SLC22A24: variants seen among roughly 807,000 people sequenced by gnomAD.
SLC22A24 encodes steroid transmembrane transporter SLC22A24.
SLC22A24 carries 53 observed loss-of-function variants against 49.8 expected under a neutral mutation model. The observed-to-expected ratio is 1.06, with a 90% CI of 0.85 to 1.34. The LOEUF (loss-of-function observed/expected upper bound fraction) is 1.34. SLC22A24 is among the 40% of genes most tolerant of loss of function. The pLI is 0.00. For synonymous variants in SLC22A24, 302 were observed against 256.4 expected, an observed-to-expected ratio of 1.18 and a Z score of -1.70; for missense variants, 786 against 675.9, an observed-to-expected ratio of 1.16 and a Z score of -1.81.
At chr11:63,082,204 G>T (rs772678404) in intron 7 of SLC22A24, among the ~76,000 whole-genome samples, 20 of 152,056 alleles carry the variant, frequency 1.3e-4, no homozygotes, top group Admixed American at 3.3e-4. Context: ...AAAAGGACTG[G>T]GTTTATTTGG....
At chr11:63,125,316 C>T (rs1340595439) in intron 2 of SLC22A24, among the ~76,000 whole-genome samples, 1 of 152,096 alleles carries the variant, frequency 6.6e-6, no homozygotes, top group Non-Finnish European at 1.5e-5. Context: ...TAGCCCTGCA[C>T]TCCACGACAG....
chr11:63,107,164 C>G (rs1403321166), intron 4 of SLC22A24, among the ~76,000 whole-genome samples: 1 of 152,120 alleles, frequency 6.6e-6, no homozygotes, highest in Non-Finnish European at 1.5e-5. Flanking sequence ...GCCAGTTTTC[C>G]CAGCAACATT....
rs189771421 is a variant in SLC22A24, at chr11:63,130,406, A to G, written c.506+4259T>C. Reference sequence around the variant, plus strand: ...TATTTTATTGAGGATTTTCACATCAATGTTCATCAGGGATGTTGGTCAAAA... The same window carrying G: ...TATTTTATTGAGGATTTTCACATCAGTGTTCATCAGGGATGTTGGTCAAAA... On this transcript the variant is annotated intron_variant, in intron 2 of 9. Coordinates refer to ENST00000612278, the MANE Select transcript of SLC22A24 (RefSeq NM_001136506.2). Among the ~76,000 whole-genome samples, 7 of 152,334 alleles carry G rather than the reference A, an allele frequency of 4.6e-5. No homozygotes were observed. The East Asian group carries it at 1.3e-3, about 29-fold the overall frequency.
chr11:63,113,968 C>A (rs533871447), intron 4 of SLC22A24, among the ~76,000 whole-genome samples: 1 of 151,980 alleles, frequency 6.6e-6, no homozygotes, highest in Non-Finnish European at 1.5e-5. Flanking sequence ...GTGGGTAACC[C>A]GACCTTTCTC....
chr11:63,131,136 C>T (rs190450865), intron 2 of SLC22A24, among the ~76,000 whole-genome samples: 1 of 151,912 alleles, frequency 6.6e-6, no homozygotes, highest in East Asian at 1.9e-4. Context: ...GGTAGATCTT[C>T]CTCCCTCCCT....
chr11:63,102,468 G>A (rs539470002), intron 5 of SLC22A24, among the ~76,000 whole-genome samples: 1 of 152,202 alleles, frequency 6.6e-6, no homozygotes, highest in East Asian at 1.9e-4. Context: ...GTAGAATAGA[G>A]CTTATCTCAA....
In SLC22A24 at chr11:63,104,233, A is replaced by G; in HGVS notation, c.896T>C (p.Leu299Pro). ...NNQLDEGLKE[L>P]RRVAHINGKK... ...TCCATTTATGTGTGCAACTCTTCTA[A>G]GCTCCTTTAAGCCCTCATCTAGCTG... The change falls in exon 5 of 10, where the codon CTT (leucine) becomes CCT (proline). Residue 299 changes from leucine to proline, a missense_variant. Leu to Pro is a moderately conservative substitution (Grantham distance 98). Coordinates refer to ENST00000612278, the MANE Select transcript of SLC22A24 (RefSeq NM_001136506.2). 1.3e-6 allele frequency: 2 copies of G among 1,550,806 alleles called. No homozygotes were observed. The highest frequency in any genetic ancestry group is 2.4e-5 in the South Asian group (2 of 84,056).
chr11:63,103,955 A>G (rs1329067007), intron 5 of SLC22A24, among the ~76,000 whole-genome samples: 1 of 152,158 alleles, frequency 6.6e-6, no homozygotes, highest in Admixed American at 6.6e-5. Flanking sequence ...AAAATTTCCC[A>G]ATCAATTTAA....
intron 8 of SLC22A24, 106 bp from the exon 9 acceptor site, chr11:63,081,229 C>T: frequency 1.0e-6 from 1 of 953,598 alleles, no homozygotes; most frequent in Non-Finnish European, 1.6e-6. Flanking sequence ...AGTTACTAAA[C>T]ACATGGGCTT....
At chr11:63,107,816 G>C (rs2087131857) in intron 4 of SLC22A24, among the ~76,000 whole-genome samples, 1 of 152,096 alleles carries the variant, frequency 6.6e-6, no homozygotes, top group African/African-American at 2.4e-5. Flanking sequence ...TTGCTTATCA[G>C]CTTAAGGAGA....
chr11:63,113,874 A>G (rs375299182), intron 4 of SLC22A24, among the ~76,000 whole-genome samples: 1 of 147,278 alleles, frequency 6.8e-6, no homozygotes, highest in Admixed American at 6.7e-5. Context: ...AAAAAAAAGG[A>G]ATGTTGAATA....
intron 2 of SLC22A24, among the ~76,000 whole-genome samples, chr11:63,129,683 G>A (rs540554587): frequency 3.0e-4 from 46 of 152,232 alleles, no homozygotes; most frequent in Admixed American, 2.5e-3. Flanking sequence ...TCCTTGAGGA[G>A]GTTCTTCACA....
intron 5 of SLC22A24, among the ~76,000 whole-genome samples, chr11:63,099,449 C>T (rs1188342899): frequency 8.1e-6 from 1 of 123,338 alleles, no homozygotes; most frequent in Admixed American, 1.1e-4. Flanking sequence ...CTCCTGGACT[C>T]AAGCAATTCT....
At chr11:63,143,203 G>A (rs1401112181) in intron 1 of SLC22A24, among the ~76,000 whole-genome samples, 175 bp downstream of exon 1, 1 of 152,094 alleles carries the variant, frequency 6.6e-6, no homozygotes, top group Non-Finnish European at 1.5e-5. Context: ...TAATACACTT[G>A]GCTGTATCGT....
chr11:63,082,503 G>A (rs762918986), intron 7 of SLC22A24, among the ~76,000 whole-genome samples: 4 of 152,258 alleles, frequency 2.6e-5, no homozygotes, highest in South Asian at 2.1e-4. Flanking sequence ...GTGGAATATA[G>A]TGACCACTAA....
At chr11:63,092,002 C>T (rs910810450) in intron 6 of SLC22A24, among the ~76,000 whole-genome samples, 3 of 152,032 alleles carry the variant, frequency 2.0e-5, no homozygotes, top group Non-Finnish European at 4.4e-5. Context: ...TTTAGAAAAC[C>T]CCATCATCTT....
chr11:63,115,152 C>A (rs1394634078), intron 4 of SLC22A24, among the ~76,000 whole-genome samples: 9 of 152,232 alleles, frequency 5.9e-5, no homozygotes, highest in African/African-American at 2.2e-4. Flanking sequence ...TTTTGTTCAT[C>A]TATGCCCTGC....
intron 4 of SLC22A24, among the ~76,000 whole-genome samples, chr11:63,105,113 TCCAGGTCATGCCGATG>T (rs1475253882): frequency 1.1e-4 from 16 of 152,354 alleles, no homozygotes; most frequent in Admixed American, 1.3e-4. Flanking sequence ...ATGTCTCAAA[TCCAGGTCATGCCGATG>T]CAAGGGGTGG....
At chr11:63,124,493 G>A (rs1165878217) in intron 2 of SLC22A24, among the ~76,000 whole-genome samples, 1 of 152,192 alleles carries the variant, frequency 6.6e-6, no homozygotes, top group African/African-American at 2.4e-5. Flanking sequence ...AAATGCAGAA[G>A]TTCCTTCATT....
Sources: gnomAD v4.1 joint callset for allele counts (sites outside exome capture counted in the v4.1 genomes callset) on GRCh38, gnomAD v4.1.1 for gene constraint, MANE v1.5 for transcripts, NCBI Gene and HGNC (gene_info 2026-07-23, HGNC 2026-07-21) for gene names.